WWOX: variants seen among roughly 807,000 people sequenced by gnomAD.
WWOX encodes WW domain-containing oxidoreductase.
A neutral mutation model predicts 46.2 loss-of-function variants in WWOX; 69 were observed. The observed-to-expected ratio is 1.49, with a 90% CI of 1.23 to 1.82. WWOX has a LOEUF of 1.82. WWOX is among the 40% of genes most tolerant of loss of function. The pLI is 0.00. For synonymous variants in WWOX, 359 were observed against 202.6 expected (o/e 1.77, Z -6.56); for missense variants, 919 against 542.6 (o/e 1.69, Z -6.89).
At chr16:78,534,521 AT>A (rs1199936883) in intron 8 of WWOX, 1 of 152,096 alleles carries the variant, frequency 6.6e-6, no homozygotes, top group African/African-American at 2.4e-5. Flanking sequence ...CAAGAGTGAC[AT>A]TTTGGCATGA....
intron 8 of WWOX, among the ~76,000 whole-genome samples, chr16:78,515,952 T>G (rs533075183): frequency 6.6e-6 from 1 of 152,268 alleles, no homozygotes; most frequent in Admixed American, 6.5e-5. Context: ...TCTCAGTCAA[T>G]CAGTCAATCA....
At chr16:79,133,886 G>A (rs993472564) in intron 8 of WWOX, among the ~76,000 whole-genome samples, 7 of 152,174 alleles carry the variant, frequency 4.6e-5, no homozygotes, top group Non-Finnish European at 8.8e-5. Flanking sequence ...AATCTTGGAG[G>A]TAGATTTTTT....
At chr16:78,159,742 A>G (rs1412416181) in intron 4 of WWOX, among the ~76,000 whole-genome samples, 1 of 125,552 alleles carries the variant, frequency 8.0e-6, no homozygotes, top group Non-Finnish European at 1.6e-5. Flanking sequence ...TATGAACACT[A>G]TCAGTTATGA....
At chr16:78,208,138 G>C (rs2036452341) in intron 5 of WWOX, among the ~76,000 whole-genome samples, 1 of 152,214 alleles carries the variant, frequency 6.6e-6, no homozygotes, top group South Asian at 2.1e-4. Context: ...TGGCTAGCTT[G>C]ATCATATGCC....
intron 5 of WWOX, among the ~76,000 whole-genome samples, chr16:78,352,260 T>A (rs564554716): frequency 2.0e-5 from 3 of 152,342 alleles, no homozygotes; most frequent in South Asian, 4.1e-4. Flanking sequence ...GTATTTTGTT[T>A]CCTATCTCTG....
At chr16:78,413,019 G>T (rs745896043) in intron 6 of WWOX, among the ~76,000 whole-genome samples, 3 of 152,078 alleles carry the variant, frequency 2.0e-5, no homozygotes. Flanking sequence ...GAGCTGACGC[G>T]TAGCAAGAAT....
At chr16:79,069,274 C>A (rs1218083722) in intron 8 of WWOX, among the ~76,000 whole-genome samples, 1 of 152,174 alleles carries the variant, frequency 6.6e-6, no homozygotes, top group African/African-American at 2.4e-5. Context: ...GTTGCCAGTT[C>A]TCTTACGCAC....
chr16:79,197,587 G>C lies in WWOX; in HGVS notation c.1057-14021G>C, dbSNP rs568943833. On this transcript the variant is annotated intron_variant, in intron 8 of 8. Coordinates refer to ENST00000566780, the MANE Select transcript of WWOX (RefSeq NM_016373.4). ...CATGGGAAAGTAAATTTAATTATCA[G>C]ACCATTTCATTAGATTCCTCACTGC... Among the ~76,000 whole-genome samples, 13 of 152,254 alleles carry C rather than the reference G, an allele frequency of 8.5e-5. No homozygotes were observed. The South Asian group carries it at 2.7e-3, about 32-fold the overall frequency.
chr16:79,089,214 G>T (rs1056186749), intron 8 of WWOX, among the ~76,000 whole-genome samples: 2 of 151,938 alleles, frequency 1.3e-5, no homozygotes, highest in African/African-American at 4.8e-5. Context: ...CTCTACTCAT[G>T]TTTTATATGG....
At chr16:79,185,964 A>G (rs528009021) in intron 8 of WWOX, among the ~76,000 whole-genome samples, 7 of 150,552 alleles carry the variant, frequency 4.6e-5, no homozygotes, top group Non-Finnish European at 1.0e-4. Context: ...GTGTGTGTGC[A>G]TGCGTGTGTG....
At position 78,104,328 on chromosome 16, in the gene WWOX, AAC is replaced by A. The variant is rs200335439; in HGVS notation, c.108-4090_108-4089del. Among the ~76,000 whole-genome samples, 167 of 138,574 alleles carry A rather than the reference AAC, an allele frequency of 1.2e-3. 2 individuals are homozygous for A. In the East Asian group the frequency reaches 0.024, roughly 20 times the overall value. The allele number at this position is 138,574 out of a possible 152,430, so 90.9% of individuals were successfully genotyped here. On this transcript the variant is annotated intron_variant, in intron 1 of 8. Coordinates refer to ENST00000566780, the MANE Select transcript of WWOX (RefSeq NM_016373.4). ...CTGCTAACTTACACTGTGCTCAAAAAACACACGCACGCACGCACGCATGCACG... is the reference window on the plus strand; with the variant it reads ...CTGCTAACTTACACTGTGCTCAAAAAACACGCACGCACGCACGCATGCACG...
At chr16:78,374,840 G>A (rs138082264) in intron 5 of WWOX, among the ~76,000 whole-genome samples, 8 of 152,070 alleles carry the variant, frequency 5.3e-5, no homozygotes, top group South Asian at 2.1e-4. Context: ...ACGAGTCTCC[G>A]CACCCGGCCC....
At chr16:79,082,053 G>A (rs2048770146) in intron 8 of WWOX, among the ~76,000 whole-genome samples, 1 of 152,124 alleles carries the variant, frequency 6.6e-6, no homozygotes, top group Admixed American at 6.6e-5. Flanking sequence ...TCAATCTGAT[G>A]GAGTGAAGCC....
intron 8 of WWOX, among the ~76,000 whole-genome samples, chr16:79,061,544 C>T (rs191042721): frequency 7.9e-5 from 12 of 152,174 alleles, no homozygotes; most frequent in East Asian, 1.9e-4. Flanking sequence ...GATTTCTGGA[C>T]GAGAGTTAGT....
intron 8 of WWOX, among the ~76,000 whole-genome samples, chr16:78,547,632 C>T (rs1237481815): frequency 6.6e-6 from 1 of 152,102 alleles, no homozygotes; most frequent in Non-Finnish European, 1.5e-5. Flanking sequence ...GTTCTTGAGG[C>T]TGGGAAGTCC....
intron 8 of WWOX, among the ~76,000 whole-genome samples, chr16:78,929,624 C>T (rs1291915151): frequency 6.6e-6 from 1 of 152,136 alleles, no homozygotes; most frequent in Non-Finnish European, 1.5e-5. Flanking sequence ...TTGCCAGGCC[C>T]TGCTTCTATT....
chr16:78,900,602 GT>G (rs1380622351), intron 8 of WWOX, among the ~76,000 whole-genome samples: 5 of 152,080 alleles, frequency 3.3e-5, no homozygotes, highest in Admixed American at 3.3e-4. Flanking sequence ...AAACCACAAA[GT>G]CATAATCAGA....
intron 5 of WWOX, among the ~76,000 whole-genome samples, chr16:78,187,331 C>T (rs993806943): frequency 1.3e-5 from 2 of 152,154 alleles, no homozygotes; most frequent in Non-Finnish European, 2.9e-5. Flanking sequence ...GTCTTTGAGG[C>T]CAAGCACGGT....
chr16:78,365,723 C>T (rs1236335292), intron 5 of WWOX, among the ~76,000 whole-genome samples: 3 of 152,146 alleles, frequency 2.0e-5, no homozygotes, highest in Non-Finnish European at 4.4e-5. Flanking sequence ...TTTCTGTAAG[C>T]AATCTCCTTA....
Sources: allele counts gnomAD v4.1 joint callset (sites outside exome capture counted in the v4.1 genomes callset), GRCh38; gene constraint gnomAD v4.1.1; transcripts MANE v1.5; gene names NCBI Gene and HGNC (gene_info 2026-07-23, HGNC 2026-07-21).